Variants in IL1RAPL1 observed in about 807,000 individuals in gnomAD.
The protein encoded by IL1RAPL1 is interleukin-1 receptor accessory protein-like 1.
A neutral mutation model predicts 48.4 loss-of-function variants in IL1RAPL1; 3 were observed. That is an observed-to-expected ratio of 0.06 (90% CI 0.03 to 0.16). The LOEUF (loss-of-function observed/expected upper bound fraction) is 0.16. IL1RAPL1 is among the 10% of genes least tolerant of loss of function. IL1RAPL1 has a pLI of 1.00. For synonymous variants in IL1RAPL1, 185 were observed against 187.7 expected (o/e 0.99, Z 0.12); for missense variants, 349 against 530.6 (o/e 0.66, Z 3.36).
chrX:29,121,637 G>C (rs967901487), intron 2 of IL1RAPL1, among the ~76,000 whole-genome samples: 1 of 112,007 alleles, frequency 8.9e-6, no homozygotes, highest in Non-Finnish European at 1.9e-5. Context: ...ATTTCCCTCT[G>C]ATCCTAGACA....
chrX:29,076,802 GTCTATCTA>G (rs59044267), intron 2 of IL1RAPL1, among the ~76,000 whole-genome samples: 5 of 97,246 alleles, frequency 5.1e-5, no homozygotes, highest in African/African-American at 7.7e-5. Context: ...CTGTCTGTCT[GTCTATCTA>G]TCTATCTATC....
intron 2 of IL1RAPL1, among the ~76,000 whole-genome samples, chrX:29,219,981 T>C (rs1213472041): frequency 9.2e-6 from 1 of 108,359 alleles, no homozygotes. Context: ...AAATTGGCAA[T>C]AGGAGTCCTG....
At chrX:28,945,901 ATATG>A (rs1315160007) in intron 2 of IL1RAPL1, among the ~76,000 whole-genome samples, 30 of 94,719 alleles carry the variant, frequency 3.2e-4, no homozygotes, top group African/African-American at 1.1e-3. Flanking sequence ...ATATATATAT[ATATG>A]TGTGTGTGTG....
In IL1RAPL1 at chrX:29,955,849, G is replaced by A; in HGVS notation, c.*29G>A. 1 of 1,138,262 alleles carries A rather than the reference G, an allele frequency of 8.8e-7. No individual in the cohort carries two copies. The highest frequency in any genetic ancestry group is 1.8e-5 in the South Asian group (1 of 54,930). The allele number at this position is 1,138,262 out of a possible 1,213,427, so 93.8% of individuals were successfully genotyped here. On this transcript the variant is annotated 3_prime_UTR_variant, in exon 11 of 11. Transcript: ENST00000378993. ...AAAAGCAAGGGACATCCCGTCCCTGGGAGGTTGAGTGGAATCTGCAGTCCA... is the reference window on the plus strand; with the variant it reads ...AAAAGCAAGGGACATCCCGTCCCTGAGAGGTTGAGTGGAATCTGCAGTCCA...
At chrX:29,666,811 C>T (rs1480922934) in intron 5 of IL1RAPL1, among the ~76,000 whole-genome samples, 4 of 110,997 alleles carry the variant, frequency 3.6e-5, no homozygotes. Flanking sequence ...ACTACATAGT[C>T]ACAAGATTAT....
intron 5 of IL1RAPL1, 63 bp from the exon 6 acceptor site, chrX:29,668,367 T>C (rs1314043357): frequency 1.0e-6 from 1 of 982,006 alleles, no homozygotes; most frequent in South Asian, 2.0e-5. Context: ...GACTGTATTC[T>C]ATCTTTTAGT....
intron 3 of IL1RAPL1, among the ~76,000 whole-genome samples, chrX:29,361,795 A>G (rs16988511): frequency 0.013 from 1,450 of 112,290 alleles, 21 homozygotes; most frequent in African/African-American, 0.045. Flanking sequence ...ATTTACATGC[A>G]TATGTTGGAA....
At chrX:28,837,130 T>C (rs962683967) in intron 2 of IL1RAPL1, among the ~76,000 whole-genome samples, 4 of 111,546 alleles carry the variant, frequency 3.6e-5, no homozygotes, top group African/African-American at 1.3e-4. Context: ...GTATACATTG[T>C]GGAATGGTTA....
intron 5 of IL1RAPL1, among the ~76,000 whole-genome samples, chrX:29,475,819 A>T (rs1422333410): frequency 9.1e-6 from 1 of 109,399 alleles, no homozygotes; most frequent in Non-Finnish European, 1.9e-5. Context: ...ATAATAATTC[A>T]TCACACGTTA....
intron 2 of IL1RAPL1, among the ~76,000 whole-genome samples, chrX:28,907,650 ATTAT>A (rs1029491389): frequency 1.8e-5 from 2 of 112,616 alleles, no homozygotes; most frequent in African/African-American, 6.4e-5. Flanking sequence ...GTTGGATTAG[ATTAT>A]TTAATAGTTC....
At chrX:29,411,705 C>CTTTTTT (rs35526788) in intron 5 of IL1RAPL1, among the ~76,000 whole-genome samples, 1 of 95,986 alleles carries the variant, frequency 1.0e-5, no homozygotes. Flanking sequence ...GAAACAACTA[C>CTTTTTT]TTTTTTTTTT....
intron 2 of IL1RAPL1, among the ~76,000 whole-genome samples, chrX:29,183,402 A>G (rs1018867236): frequency 1.8e-5 from 2 of 111,389 alleles, no homozygotes; most frequent in African/African-American, 6.5e-5. Context: ...ATTTTTTGTC[A>G]AACCTAAATC....
chrX:29,713,750 C>T (rs1927413573), intron 6 of IL1RAPL1, among the ~76,000 whole-genome samples: 1 of 111,771 alleles, frequency 8.9e-6, no homozygotes, highest in Non-Finnish European at 1.9e-5. Flanking sequence ...CACTGCACAT[C>T]AGTGGAAATA....
intron 1 of IL1RAPL1, among the ~76,000 whole-genome samples, chrX:28,724,417 C>T (rs1935636227): frequency 9.1e-6 from 1 of 110,219 alleles, no homozygotes; most frequent in Admixed American, 9.7e-5. Flanking sequence ...GGATTGCAAC[C>T]CCTGCCTTTT....
At chrX:28,732,475 G>A (rs1038823083) in intron 1 of IL1RAPL1, among the ~76,000 whole-genome samples, 5 of 111,522 alleles carry the variant, frequency 4.5e-5, no homozygotes, top group Admixed American at 9.6e-5. Context: ...TTATTTCTTC[G>A]AGGGCTTTTT....
chrX:29,576,886 A>G (rs2060850757), intron 5 of IL1RAPL1, among the ~76,000 whole-genome samples: 1 of 79,449 alleles, frequency 1.3e-5, no homozygotes, highest in Admixed American at 1.2e-4. Context: ...TTTCATAAAG[A>G]CTTTGTTGGT....
chrX:28,796,395 C>T (rs943017124), intron 2 of IL1RAPL1, among the ~76,000 whole-genome samples: 8 of 111,851 alleles, frequency 7.2e-5, no homozygotes, highest in South Asian at 3.7e-4. Flanking sequence ...CAAGTCCCTT[C>T]GGCCTATGAG....
At chrX:29,782,174 G>A (rs1929361840) in intron 6 of IL1RAPL1, among the ~76,000 whole-genome samples, 1 of 109,336 alleles carries the variant, frequency 9.1e-6, no homozygotes, top group African/African-American at 3.3e-5. Context: ...ACCTATATAG[G>A]TAGGGGAGGA....
chrX:29,602,046 C>T (rs1485763975), intron 5 of IL1RAPL1, among the ~76,000 whole-genome samples: 1 of 111,461 alleles, frequency 9.0e-6, no homozygotes, highest in African/African-American at 3.3e-5. Context: ...TGCAGTGGTG[C>T]GATCTTGGCT....
Sources: gnomAD v4.1 joint callset for allele counts (sites outside exome capture counted in the v4.1 genomes callset) on GRCh38, gnomAD v4.1.1 for gene constraint, MANE v1.5 for transcripts, NCBI Gene and HGNC (gene_info 2026-07-23, HGNC 2026-07-21) for gene names.